Variants in LPIN1 observed in about 807,000 individuals in gnomAD.
The protein encoded by LPIN1 is phosphatidate phosphatase LPIN1.
In LPIN1, 71 loss-of-function variants were observed where a neutral mutation model predicts 107.5. The ratio of observed to expected loss-of-function variants is 0.66; its 90% confidence interval spans 0.55 to 0.80. The LOEUF is 0.80. LPIN1 is among the 30% of genes least tolerant of loss of function. LPIN1 has a pLI of 0.00. For synonymous variants in LPIN1, 445 were observed against 452.6 expected (o/e 0.98, Z 0.21); for missense variants, 1,043 against 1,160.6 (o/e 0.90, Z 1.47).
chr2:11,691,557 T>A (rs1423688767), intron 1 of LPIN1, among the ~76,000 whole-genome samples: 1 of 152,190 alleles, frequency 6.6e-6, no homozygotes, highest in East Asian at 1.9e-4. Flanking sequence ...CCATTCACCA[T>A]GCACACTTCT....
chr2:11,812,330 C>T (rs1297222708), intron 17 of LPIN1, among the ~76,000 whole-genome samples: 2 of 152,130 alleles, frequency 1.3e-5, no homozygotes, highest in African/African-American at 4.8e-5. Context: ...ATGAGAGATA[C>T]AGTCGAATGA....
chr2:11,767,901 C>G (rs758330305), intron 3 of LPIN1, 43 bp downstream of exon 3: 1 of 1,230,848 alleles, frequency 8.1e-7, no homozygotes, highest in South Asian at 1.2e-5. Flanking sequence ...TAGTTTTGAG[C>G]TTTGAGTAAT....
At chr2:11,683,929 G>C (rs1182416535) in intron 1 of LPIN1, among the ~76,000 whole-genome samples, 1 of 152,188 alleles carries the variant, frequency 6.6e-6, no homozygotes, top group South Asian at 2.1e-4. Context: ...TTTAAACTGG[G>C]GCTGATGACG....
chr2:11,760,614 G>A (rs1464550246), intron 1 of LPIN1, among the ~76,000 whole-genome samples: 1 of 152,146 alleles, frequency 6.6e-6, no homozygotes, highest in East Asian at 1.9e-4. Context: ...AGGTTGCAGT[G>A]AGCCGAGATG....
intron 11 of LPIN1, 123 bp downstream of exon 11, chr2:11,787,290 A>T: frequency 1.4e-6 from 1 of 718,758 alleles, no homozygotes; most frequent in Non-Finnish European, 2.5e-6. Context: ...ACATTGCATT[A>T]TTGCATTATC....
intron 1 of LPIN1, among the ~76,000 whole-genome samples, chr2:11,762,574 A>G (rs928823177): frequency 2.0e-5 from 3 of 152,134 alleles, no homozygotes; most frequent in Admixed American, 6.5e-5. Context: ...CTTATCATGA[A>G]TGACAGAAGA....
rs1219054361 is a variant in LPIN1, at chr2:11,787,392, C to CTTTTTT, written c.1643+230_1643+231insTTTTTT. On this transcript the variant is annotated intron_variant, in intron 11 of 20. Transcript: ENST00000674199. Reference sequence around the variant, plus strand: ...AGTCTTGTGAGTTTTCTTTTCTTTTCTTTTTCTTTTTTTTTTTTTTTTTTT... The same window carrying CTTTTTT: ...AGTCTTGTGAGTTTTCTTTTCTTTTCTTTTTTTTTTTCTTTTTTTTTTTTTTTTTTT... Among the ~76,000 whole-genome samples, 357 of 113,604 alleles carry CTTTTTT rather than the reference C, an allele frequency of 3.1e-3. 18 individuals are homozygous for CTTTTTT. The highest frequency in any genetic ancestry group is 4.1e-3 in the South Asian group (16 of 3,914). 74.5% of individuals were successfully genotyped at this position (113,604 alleles called of 152,430 possible).
At chr2:11,805,314 CCA>C (rs1416223333) in intron 17 of LPIN1, 158 bp downstream of exon 17, 2 of 697,338 alleles carry the variant, frequency 2.9e-6, no homozygotes, top group Non-Finnish European at 5.2e-6. Context: ...GCAGTGGAGT[CCA>C]GAGTGAAAGT....
intron 1 of LPIN1, among the ~76,000 whole-genome samples, chr2:11,760,074 C>A (rs1471329253): frequency 2.6e-5 from 4 of 152,072 alleles, no homozygotes; most frequent in Non-Finnish European, 5.9e-5. Context: ...CTCCTCACAT[C>A]CCAGACGGGG....
chr2:11,725,247 C>T (rs1419889633), intron 1 of LPIN1, among the ~76,000 whole-genome samples: 1 of 151,332 alleles, frequency 6.6e-6, no homozygotes, highest in Non-Finnish European at 1.5e-5. Context: ...GGGGACAGAG[C>T]GAGACTCCGT....
intron 1 of LPIN1, among the ~76,000 whole-genome samples, chr2:11,678,903 C>A (rs762659386): frequency 6.6e-6 from 1 of 152,194 alleles, no homozygotes; most frequent in East Asian, 1.9e-4. Context: ...CTCTCGGGAG[C>A]CCCGTGCAGG....
Position 11,825,114 on chromosome 2 carries a change from G to T in LPIN1, c.*323G>T, listed in dbSNP as rs559613973. 2.6e-6 allele frequency: 1 copy of T among 389,868 alleles called. No homozygotes were observed. Among genetic ancestry groups the T allele is most frequent in the Non-Finnish European group, 4.8e-6 (1 of 206,292 alleles). The allele number at this position is 389,868 out of a possible 1,614,324, so 24.2% of individuals were successfully genotyped here. On this transcript the variant is annotated 3_prime_UTR_variant, in exon 21 of 21. Transcript: ENST00000674199. The surrounding 1 kb of genome is among the most constrained non-coding windows in gnomAD (Gnocchi z 4.1). Reference sequence around the variant, plus strand: ...TAGCTACTGGTTCACGTGCAGTTTGGGGCTGTGAAACCTAGGCAGAAGGCG... The same window carrying T: ...TAGCTACTGGTTCACGTGCAGTTTGTGGCTGTGAAACCTAGGCAGAAGGCG...
intron 2 of LPIN1, among the ~76,000 whole-genome samples, chr2:11,767,009 G>T (rs1671023573): frequency 6.6e-6 from 1 of 152,142 alleles, no homozygotes; most frequent in South Asian, 2.1e-4. Context: ...TCAGTCAGTT[G>T]CGAGCTTAGA....
At chr2:11,776,964 G>T (rs541115588) in intron 6 of LPIN1, among the ~76,000 whole-genome samples, 5 of 152,320 alleles carry the variant, frequency 3.3e-5, no homozygotes, top group African/African-American at 9.6e-5. Context: ...AGAAAAGTCC[G>T]TTTAAAATGA....
At chr2:11,748,935 C>T (rs1247387939) in intron 1 of LPIN1, among the ~76,000 whole-genome samples, 2 of 152,154 alleles carry the variant, frequency 1.3e-5, no homozygotes, top group Admixed American at 1.3e-4. Flanking sequence ...TGCACTTGCA[C>T]TTCCTCACTG....
chr2:11,779,376 G>A, intron 6 of LPIN1, 143 bp from the exon 7 acceptor site: 1 of 886,034 alleles, frequency 1.1e-6, no homozygotes, highest in South Asian at 1.4e-5. Flanking sequence ...GTGGCCGGAG[G>A]AGGGATTTGT....
At chr2:11,691,061 G>A (rs1488897002) in intron 1 of LPIN1, among the ~76,000 whole-genome samples, 1 of 149,670 alleles carries the variant, frequency 6.7e-6, no homozygotes, top group Non-Finnish European at 1.5e-5. Flanking sequence ...CTCATTTTGA[G>A]TGGATTTAAA....
chr2:11,701,839 C>T (rs746477075), intron 1 of LPIN1, among the ~76,000 whole-genome samples: 5 of 152,138 alleles, frequency 3.3e-5, no homozygotes, highest in South Asian at 2.1e-4. Context: ...TGGGTGTAGC[C>T]GGGGCTGCCA....
At chr2:11,717,663 T>A (rs1320959015) in intron 2 of LPIN1, among the ~76,000 whole-genome samples, 1 of 152,198 alleles carries the variant, frequency 6.6e-6, no homozygotes, top group Non-Finnish European at 1.5e-5. Context: ...AAAAATTATT[T>A]AGCAAATCTT....
Sources: allele counts gnomAD v4.1 joint callset (sites outside exome capture counted in the v4.1 genomes callset), GRCh38; gene constraint gnomAD v4.1.1; non-coding constraint Gnocchi (gnomAD v3.1); transcripts MANE v1.5; gene names NCBI Gene and HGNC (gene_info 2026-07-23, HGNC 2026-07-21).